Variants in PHLPP1 observed in about 807,000 individuals in gnomAD.
The protein encoded by PHLPP1 is PH domain leucine-rich repeat-containing protein phosphatase 1.
PHLPP1 carries 42 observed loss-of-function variants against 117.2 expected under a neutral mutation model. That is an observed-to-expected ratio of 0.36 (90% confidence interval 0.28 to 0.46). The LOEUF is 0.46. Ranked by LOEUF, PHLPP1 falls within the 20% of genes least tolerant of loss-of-function variation. PHLPP1 has a pLI of 1.00. For synonymous variants in PHLPP1, 1,042 were observed against 970.7 expected (o/e 1.07, Z -1.37); for missense variants, 2,084 against 2,241.9 (o/e 0.93, Z 1.42).
chr18:62,885,213 A>G (rs997091461), intron 4 of PHLPP1, among the ~76,000 whole-genome samples: 1 of 152,168 alleles, frequency 6.6e-6, no homozygotes, highest in Admixed American at 6.6e-5. Flanking sequence ...CTTTCTTTCA[A>G]CTTTGACACT....
At chr18:62,735,211 A>G (rs774814122) in intron 1 of PHLPP1, among the ~76,000 whole-genome samples, 3 of 151,758 alleles carry the variant, frequency 2.0e-5, no homozygotes, top group African/African-American at 2.4e-5. Context: ...GTAATTTGGC[A>G]TTTTAAATTT....
chr18:62,719,636 C>G (rs1201969678), intron 1 of PHLPP1, among the ~76,000 whole-genome samples: 1 of 152,114 alleles, frequency 6.6e-6, no homozygotes, highest in African/African-American at 2.4e-5. Context: ...ACATCTTTTA[C>G]AGGGTTTTTG....
chr18:62,950,751 A>T (rs1207421862), intron 12 of PHLPP1, among the ~76,000 whole-genome samples: 1 of 152,190 alleles, frequency 6.6e-6, no homozygotes, highest in Non-Finnish European at 1.5e-5. Flanking sequence ...AATCAAGTTA[A>T]GTAATAGTTA....
intron 1 of PHLPP1, among the ~76,000 whole-genome samples, chr18:62,802,288 A>G (rs934087961): frequency 6.6e-6 from 1 of 152,198 alleles, no homozygotes; most frequent in Non-Finnish European, 1.5e-5. Context: ...CAGCAAGAAA[A>G]CAGTGGAGCA....
intron 11 of PHLPP1, among the ~76,000 whole-genome samples, chr18:62,944,354 T>C (rs980530022): frequency 1.3e-5 from 2 of 152,256 alleles, no homozygotes; most frequent in African/African-American, 4.8e-5. Context: ...GTTATTGTAA[T>C]TATTGATGAA....
chr18:62,720,670 T>G (rs1910888298), intron 1 of PHLPP1, among the ~76,000 whole-genome samples: 1 of 152,152 alleles, frequency 6.6e-6, no homozygotes, highest in African/African-American at 2.4e-5. Flanking sequence ...AGTGTGTGCT[T>G]GAACAGTCCC....
Position 62,945,196 on chromosome 18 carries a change from G to T in PHLPP1, c.3249G>T (p.Arg1083Ser), listed in dbSNP as rs1277659572. The change falls in exon 12 of 17, where the codon AGG becomes AGT. Residue 1083 changes from arginine (R) to serine (S), a missense_variant. By Grantham distance (110) the Arg-to-Ser change is moderately radical. This residue lies in a region of PHLPP1 where 1,365 missense variants were observed against 1,605.9 expected (regional missense o/e 0.85). Coordinates refer to ENST00000262719, the MANE Select transcript of PHLPP1 (RefSeq NM_194449.4). ...KAIPTTIMNC[R>S]RMHTVIAHSN... ...TCCCAACAACGATCATGAATTGCAGGCGCATGCACACCGTGATTGCTCACT... is the reference window on the plus strand; with the variant it reads ...TCCCAACAACGATCATGAATTGCAGTCGCATGCACACCGTGATTGCTCACT... 1.9e-6 allele frequency: 3 copies of T among 1,612,948 alleles called. No homozygotes were observed. The highest frequency in any genetic ancestry group is 2.5e-6 in the Non-Finnish European group (3 of 1,179,550).
chr18:62,875,630 G>A (rs1018350446), intron 4 of PHLPP1, among the ~76,000 whole-genome samples: 2 of 152,232 alleles, frequency 1.3e-5, no homozygotes. Context: ...TGAGTGAATG[G>A]TGGGGGAAGT....
chr18:62,854,988 C>A (rs975100947), intron 3 of PHLPP1, among the ~76,000 whole-genome samples: 14 of 152,172 alleles, frequency 9.2e-5, no homozygotes, highest in African/African-American at 2.9e-4. Flanking sequence ...TGAGCCCCTA[C>A]ACCCAGCCTG....
At chr18:62,859,053 C>T (rs933937104) in intron 3 of PHLPP1, among the ~76,000 whole-genome samples, 4 of 152,144 alleles carry the variant, frequency 2.6e-5, no homozygotes, top group African/African-American at 7.2e-5. Context: ...CTAAGGACTA[C>T]GTTCTACTGC....
At chr18:62,921,733 C>G (rs1691126043) in intron 10 of PHLPP1, among the ~76,000 whole-genome samples, 1 of 152,070 alleles carries the variant, frequency 6.6e-6, no homozygotes, top group Non-Finnish European at 1.5e-5. Flanking sequence ...TTCCATAAAT[C>G]TTTAATAAGA....
At chr18:62,944,397 A>T (rs1910217401) in intron 11 of PHLPP1, among the ~76,000 whole-genome samples, 1 of 152,260 alleles carries the variant, frequency 6.6e-6, no homozygotes, top group Non-Finnish European at 1.5e-5. Flanking sequence ...ACAATAAAAG[A>T]CATTCTTAAA....
intron 1 of PHLPP1, among the ~76,000 whole-genome samples, chr18:62,820,220 C>T (rs1330451414): frequency 6.6e-6 from 1 of 152,124 alleles, no homozygotes; most frequent in African/African-American, 2.4e-5. Context: ...GAACTGCAAG[C>T]AGAAATAGAC....
At chr18:62,759,914 A>T (rs930823388) in intron 1 of PHLPP1, among the ~76,000 whole-genome samples, 2 of 152,190 alleles carry the variant, frequency 1.3e-5, no homozygotes, top group African/African-American at 2.4e-5. Context: ...ATAGTTAGTG[A>T]CTAATTTCAT....
intron 10 of PHLPP1, among the ~76,000 whole-genome samples, chr18:62,923,828 A>T (rs1161693923): frequency 2.6e-5 from 4 of 152,214 alleles, no homozygotes. Context: ...CCCGGAAAAC[A>T]TGAAATTTAA....
At chr18:62,858,544 T>G (rs1915555506) in intron 3 of PHLPP1, among the ~76,000 whole-genome samples, 1 of 152,218 alleles carries the variant, frequency 6.6e-6, no homozygotes, top group African/African-American at 2.4e-5. Context: ...ATTACAGATG[T>G]GAGCCACCAT....
intron 1 of PHLPP1, among the ~76,000 whole-genome samples, chr18:62,809,310 A>C (rs1351661673): frequency 1.3e-5 from 2 of 152,204 alleles, no homozygotes; most frequent in African/African-American, 4.8e-5. Flanking sequence ...AGGGCTCCAA[A>C]TCATTAATTT....
Position 62,715,776 on chromosome 18 carries a change from A to C in PHLPP1, c.93A>C (p.Ala31=). Residue 31 remains alanine, a synonymous_variant, in exon 1 of 17, where the codon GCA becomes GCC. Transcript: ENST00000262719. The stretch of plus-strand genomic sequence containing the variant: ...CTCCGGCGGCCGCCGCTGCGGCAGC[A>C]GCAGCAGCAGCGGCGGCCGCGGCGG... ...ASAPAAAAAA[A]AAAAAAAAAL... The C allele has an allele frequency of 6.2e-6, 5 of 800,564 alleles. No individual in the cohort carries two copies. The highest frequency in any genetic ancestry group is 6.1e-6 in the Non-Finnish European group (4 of 651,312). The allele number at this position is 800,564 out of a possible 1,614,324, so 49.6% of individuals were successfully genotyped here.
chr18:62,892,850 T>A (rs1318850132), intron 4 of PHLPP1, among the ~76,000 whole-genome samples: 5 of 135,340 alleles, frequency 3.7e-5, no homozygotes, highest in African/African-American at 1.4e-4. Context: ...CACTCCAGCC[T>A]GGGCGACAGA....
Sources: allele counts gnomAD v4.1 joint callset (sites outside exome capture counted in the v4.1 genomes callset), GRCh38; gene constraint gnomAD v4.1.1; regional missense constraint gnomAD v4.1.1; transcripts MANE v1.5; gene names NCBI Gene and HGNC (gene_info 2026-07-23, HGNC 2026-07-21).